RELL1: variants seen among roughly 807,000 people sequenced by gnomAD.
RELL1 encodes the protein RELT like 1, also known as RELT-like protein 1.
In RELL1, 10 loss-of-function variants were observed where a neutral mutation model predicts 23.0. The ratio of observed to expected loss-of-function variants is 0.43; its 90% CI spans 0.27 to 0.74. RELL1 has a LOEUF of 0.74. Among genes scored for constraint, RELL1 ranks in the 30% least tolerant of loss-of-function variants. RELL1 has a pLI of 0.19. For missense variants in RELL1, 315 were observed against 364.4 expected (o/e 0.86, Z 1.10); for synonymous variants, 146 against 146.8 (o/e 0.99, Z 0.04).
intron 4 of RELL1, 99 bp from the exon 5 acceptor site, chr4:37,635,222 GAA>G: frequency 2.3e-6 from 2 of 861,114 alleles, no homozygotes; most frequent in South Asian, 1.7e-5. Context: ...TAAATTGAAA[GAA>G]AAAAAAAAGC....
chr4:37,598,284 A>AAAAAAAAAAAAAAAAAG (rs869260737), intron 6 of RELL1, among the ~76,000 whole-genome samples: 2 of 117,252 alleles, frequency 1.7e-5, no homozygotes, highest in African/African-American at 7.5e-5. Context: ...AAAAAAAAAA[A>AAAAAAAAAAAAAAAAAG]GTTTATAGGA....
chr4:37,606,178 AAG>A (rs1343157202), downstream of RELL1, among the ~76,000 whole-genome samples: 9 of 140,924 alleles, frequency 6.4e-5, no homozygotes, highest in East Asian at 2.2e-4. This position sits in a 1 kb window ranked among gnomAD's most constrained non-coding sequence, Gnocchi z 4.1. Flanking sequence ...AAAAAGGAGA[AAG>A]AAGAAAGAAA....
chr4:37,685,433 A>T (rs1722369132), intron 1 of RELL1, among the ~76,000 whole-genome samples: 1 of 152,186 alleles, frequency 6.6e-6, no homozygotes, highest in Non-Finnish European at 1.5e-5. Flanking sequence ...CAAGGATGTG[A>T]CATAGGACTT....
At chr4:37,634,548 T>C (rs1487312462) in intron 5 of RELL1, among the ~76,000 whole-genome samples, 1 of 152,254 alleles carries the variant, frequency 6.6e-6, no homozygotes, top group African/African-American at 2.4e-5. Flanking sequence ...GGACAAGTAC[T>C]TGAAGAGCCA....
chr4:37,601,574 T>C (rs1719016299), intron 6 of RELL1, among the ~76,000 whole-genome samples: 1 of 152,154 alleles, frequency 6.6e-6, no homozygotes, highest in South Asian at 2.1e-4. Context: ...CCAGGAAAGA[T>C]GGTGAAAGGA....
chr4:37,681,983 G>A (rs151292225), intron 1 of RELL1, among the ~76,000 whole-genome samples: 4 of 152,262 alleles, frequency 2.6e-5, no homozygotes, highest in African/African-American at 9.6e-5. Context: ...GTAATAATAA[G>A]CATGGACTTC....
chr4:37,674,556 A>T (rs919008), intron 1 of RELL1, among the ~76,000 whole-genome samples: 1 of 152,224 alleles, frequency 6.6e-6, no homozygotes, highest in African/African-American at 2.4e-5. Flanking sequence ...GCATATAGAA[A>T]AAACTTGCAA....
chr4:37,679,948 T>C (rs1722148345), intron 1 of RELL1, among the ~76,000 whole-genome samples: 1 of 151,854 alleles, frequency 6.6e-6, no homozygotes, highest in South Asian at 2.1e-4. Flanking sequence ...AGAGACTCCA[T>C]CTCAAAAAAA....
intron 1 of RELL1, among the ~76,000 whole-genome samples, chr4:37,684,555 T>C (rs1248224108): frequency 1.3e-5 from 2 of 152,234 alleles, no homozygotes; most frequent in African/African-American, 4.8e-5. Context: ...CCCCAGATTC[T>C]GTTGCAACTG....
intron 5 of RELL1, among the ~76,000 whole-genome samples, chr4:37,632,827 T>G (rs1720188702): frequency 6.6e-6 from 1 of 152,248 alleles, no homozygotes; most frequent in Non-Finnish European, 1.5e-5. Context: ...TAGTATATCA[T>G]CACCAAATCC....
chr4:37,604,888 G>GACACACACAC (rs757621847), intron 6 of RELL1, among the ~76,000 whole-genome samples: 1 of 63,458 alleles, frequency 1.6e-5, no homozygotes, highest in Non-Finnish European at 3.1e-5. Flanking sequence ...CATACACACA[G>GACACACACAC]ACACACACAC....
At position 37,639,371 on chromosome 4, in the gene RELL1, G is replaced by A. The variant is rs910782138; in HGVS notation, c.386-867C>T. 1.0e-4 allele frequency among the ~76,000 whole-genome samples: 12 copies of A among 115,746 alleles called. No homozygotes were observed. In the South Asian group the frequency reaches 1.2e-3, roughly 11 times the overall value. The allele number at this position is 115,746 out of a possible 152,430, so 75.9% of individuals were successfully genotyped here. ...TGCACTCCAGCCTGGGCGATGAAGC[G>A]AGACTCTGTCTCAAAAAAAAAAAAA... On this transcript the variant is annotated intron_variant, in intron 3 of 6. Transcript: ENST00000454158.
At position 37,651,970 on chromosome 4, in the gene RELL1, C is replaced by T. The variant is rs1333039146; in HGVS notation, c.89-2470G>A. Among the ~76,000 whole-genome samples the T allele has an allele frequency of 2.0e-5, 3 of 152,356 alleles. No homozygotes were observed. In the East Asian group the frequency reaches 5.8e-4, roughly 29 times the overall value. ...GGGTACAAGCTATACCACAGGGGAG[C>T]TGAAGCACGCCAGCGTGGCCAAGCA... On this transcript the variant is annotated intron_variant, in intron 1 of 6. Transcript: ENST00000454158.
rs150985996 is a variant in RELL1 at position 37,664,388 on chromosome 4, T to C, written c.89-14888A>G. On this transcript the variant is annotated intron_variant, in intron 1 of 6. Coordinates refer to ENST00000454158, the MANE Select transcript of RELL1 (RefSeq NM_001085400.2). Reference sequence around the variant, plus strand: ...ACTCCATCTCAAAAAAAAAAAAAAATCACTCATGTATAACTACTTCATCTC... The same window carrying C: ...ACTCCATCTCAAAAAAAAAAAAAAACCACTCATGTATAACTACTTCATCTC... Among the ~76,000 whole-genome samples, 186 of 148,726 alleles carry C rather than the reference T, an allele frequency of 1.3e-3. 1 individual carries two copies. In the East Asian group the frequency reaches 0.03, roughly 24 times the overall value.
At chr4:37,606,169 AAAAG>A (rs1719214620), downstream of RELL1, among the ~76,000 whole-genome samples, 1 of 150,102 alleles carries the variant, frequency 6.7e-6, no homozygotes, top group Non-Finnish European at 1.5e-5. The surrounding 1 kb of genome is among the most constrained non-coding windows in gnomAD (Gnocchi z 4.1). Flanking sequence ...AAGAAAGAAA[AAAAG>A]GAGAAAGAAG....
chr4:37,661,172 G>A (rs1721342236), intron 1 of RELL1, among the ~76,000 whole-genome samples: 1 of 152,144 alleles, frequency 6.6e-6, no homozygotes, highest in Non-Finnish European at 1.5e-5. Context: ...CCACCTAGTA[G>A]CCTCTCAGTC....
chr4:37,657,871 C>T (rs1375262655), intron 1 of RELL1, among the ~76,000 whole-genome samples: 1 of 152,048 alleles, frequency 6.6e-6, no homozygotes, highest in Non-Finnish European at 1.5e-5. Flanking sequence ...ATGATTGTGC[C>T]ACTCTACTGG....
intron 3 of RELL1, among the ~76,000 whole-genome samples, chr4:37,639,944 C>T (rs1475292981): frequency 6.6e-6 from 1 of 152,122 alleles, no homozygotes; most frequent in African/African-American, 2.4e-5. Context: ...TCATTATTGC[C>T]CCACCCAAGA....
rs78823340 is a variant in RELL1 at position 37,671,220 on chromosome 4, C to G, written c.88+14980G>C. 0.018 allele frequency among the ~76,000 whole-genome samples: 2,722 copies of G among 152,252 alleles called. 164 individuals are homozygous for G. In the East Asian group the frequency reaches 0.2, roughly 11 times the overall value. On this transcript the variant is annotated intron_variant, in intron 1 of 6. Coordinates refer to ENST00000454158, the MANE Select transcript of RELL1 (RefSeq NM_001085400.2). ...ACAAATTGGGGGCTTTCCATGACCC[C>G]CCTCAATAAGTTTGGCATTTTGCTA...
Sources: gnomAD v4.1 joint callset for allele counts (sites outside exome capture counted in the v4.1 genomes callset) on GRCh38, gnomAD v4.1.1 for gene constraint, Gnocchi (gnomAD v3.1) non-coding constraint, MANE v1.5 for transcripts, NCBI Gene and HGNC (gene_info 2026-07-23, HGNC 2026-07-21) for gene names.